The following FCRL2 variants were observed in gnomAD, a reference collection of about 807,000 sequenced individuals.
FCRL2 encodes Fc receptor like 2, also known as Fc receptor-like protein 2.
In FCRL2, 48 loss-of-function variants were observed where a neutral mutation model predicts 59.8. The observed-to-expected ratio is 0.80, with a 90% CI of 0.64 to 1.02. The LOEUF is 1.02. Among genes scored for constraint, FCRL2 ranks in the 50% least tolerant of loss-of-function variants. FCRL2 has a pLI of 0.00. For synonymous variants in FCRL2, 251 were observed against 229.5 expected, an observed-to-expected ratio of 1.09 and a Z score of -0.85; for missense variants, 658 against 597.3, an observed-to-expected ratio of 1.10 and a Z score of -1.06.
At chr1:157,770,735 G>T in intron 2 of FCRL2, 69 bp from the exon 3 acceptor site, 1 of 1,558,046 alleles carries the variant, frequency 6.4e-7, no homozygotes, top group Non-Finnish European at 8.8e-7. Flanking sequence ...CATTGGCAGT[G>T]AGGTGGTCTC....
intron 7 of FCRL2, among the ~76,000 whole-genome samples, chr1:157,758,131 G>A (rs763010055): frequency 9.2e-5 from 14 of 152,150 alleles, no homozygotes; most frequent in African/African-American, 1.7e-4. Flanking sequence ...GTATCATGGC[G>A]TACATCTGAG....
chr1:157,767,342 C>G lies in FCRL2; in HGVS notation c.1051G>C (p.Gly351Arg). Residue 351 changes from glycine to arginine, a missense_variant, in exon 6 of 12, where the codon GGG becomes CGG. Coordinates refer to ENST00000361516, the MANE Select transcript of FCRL2 (RefSeq NM_030764.4). ...GTCAAAGAGAGGTTGAAGGAGGCCCCTCCTCCAGAGGGGGCCGAGCTGTTC... is the reference window on the plus strand; with the variant it reads ...GTCAAAGAGAGGTTGAAGGAGGCCCGTCCTCCAGAGGGGGCCGAGCTGTTC... Reference protein sequence around the residue: ...LGNSSAPSGGGASFNLSLTAE... With the variant: ...LGNSSAPSGGRASFNLSLTAE... The G allele has an allele frequency of 6.2e-7, 1 of 1,614,234 alleles. No individual in the cohort carries two copies. The highest frequency in any genetic ancestry group is 8.5e-7 in the Non-Finnish European group (1 of 1,180,038).
intron 7 of FCRL2, among the ~76,000 whole-genome samples, chr1:157,750,123 A>G (rs12080936): frequency 0.018 from 2,699 of 152,330 alleles, 70 homozygotes; most frequent in African/African-American, 0.061. Flanking sequence ...GTCTTTAGGA[A>G]TGATCTTGGG....
intron 1 of FCRL2, 97 bp from the exon 2 acceptor site, chr1:157,775,892 C>A (rs1016518560): frequency 1.5e-6 from 2 of 1,339,904 alleles, no homozygotes; most frequent in Non-Finnish European, 2.1e-6. Context: ...AAACTTCTTT[C>A]CATTTTCCCT....
chr1:157,749,942 T>C (rs534797330), intron 7 of FCRL2, among the ~76,000 whole-genome samples: 12 of 152,362 alleles, frequency 7.9e-5, no homozygotes, highest in African/African-American at 2.9e-4. Flanking sequence ...TTATTTTCTA[T>C]TCTGTTCTAT....
At chr1:157,771,672 CGT>C (rs991923996) in intron 2 of FCRL2, among the ~76,000 whole-genome samples, 13 of 152,070 alleles carry the variant, frequency 8.5e-5, no homozygotes, top group African/African-American at 2.9e-4. Context: ...ATTTTGACCC[CGT>C]CACTTCATTT....
intron 4 of FCRL2, 40 bp from the exon 5 acceptor site, chr1:157,768,741 A>T (rs748495097): frequency 1.8e-5 from 28 of 1,539,966 alleles, no homozygotes; most frequent in Non-Finnish European, 2.4e-5. Flanking sequence ...CTCTAAGGGA[A>T]ACTCTGGGAA....
chr1:157,774,528 G>A, intron 2 of FCRL2: 1 of 452,672 alleles, frequency 2.2e-6, no homozygotes. Flanking sequence ...TAAAGGAAAA[G>A]AAAGAGAATG....
chr1:157,763,145 A>G (rs1649229358), intron 7 of FCRL2, among the ~76,000 whole-genome samples: 1 of 152,226 alleles, frequency 6.6e-6, no homozygotes, highest in African/African-American at 2.4e-5. Context: ...ACACAAAACA[A>G]CTAGACAACA....
At chr1:157,750,046 T>G (rs1648060468) in intron 7 of FCRL2, among the ~76,000 whole-genome samples, 1 of 152,260 alleles carries the variant, frequency 6.6e-6, no homozygotes, top group Non-Finnish European at 1.5e-5. Flanking sequence ...TTTATTTTAT[T>G]GCTCTTCTGT....
rs755697684 is a variant in FCRL2, at chr1:157,767,575, C to G, written c.884-66G>C. On this transcript the variant is annotated intron_variant, in intron 5 of 11. Coordinates refer to ENST00000361516, the MANE Select transcript of FCRL2 (RefSeq NM_030764.4). Reference sequence around the variant, plus strand: ...CCTCAATAGATTCACAAACTCCCAACCTGCAGGCTCAGCAAAGGGCCTGGC... The same window carrying G: ...CCTCAATAGATTCACAAACTCCCAAGCTGCAGGCTCAGCAAAGGGCCTGGC... 27 of 1,614,136 alleles carry G rather than the reference C, an allele frequency of 1.7e-5. No individual in the cohort carries two copies. The South Asian group carries it at 2.4e-4, about 14-fold the overall frequency.
intron 3 of FCRL2, 120 bp downstream of exon 3, chr1:157,770,289 C>T: frequency 6.9e-7 from 1 of 1,453,994 alleles, no homozygotes; most frequent in Non-Finnish European, 9.4e-7. Context: ...CTTTGATGAT[C>T]AAACCACAAG....
At chr1:157,757,606 G>A (rs1176079121) in intron 7 of FCRL2, among the ~76,000 whole-genome samples, 1 of 152,232 alleles carries the variant, frequency 6.6e-6, no homozygotes, top group Non-Finnish European at 1.5e-5. Flanking sequence ...AGAGGCCTCA[G>A]AATGAAATTT....
chr1:157,767,021 C>A, intron 6 of FCRL2, 50 bp from the exon 7 acceptor site: 1 of 1,514,360 alleles, frequency 6.6e-7, no homozygotes, highest in Non-Finnish European at 9.1e-7. Flanking sequence ...GACTTGGGCC[C>A]TTCTTATAAA....
At chr1:157,760,727 G>A (rs908556644) in intron 7 of FCRL2, among the ~76,000 whole-genome samples, 1 of 144,048 alleles carries the variant, frequency 6.9e-6, no homozygotes, top group African/African-American at 2.6e-5. Context: ...AAGAAAGAAA[G>A]AAAGAAAGAA....
At position 157,746,374 on chromosome 1, in the gene FCRL2, A is replaced by G. The variant is rs2101654888; in HGVS notation, c.*362T>C. 1 of 216,550 alleles carries G rather than the reference A, an allele frequency of 4.6e-6. No homozygotes were observed. Among genetic ancestry groups the G allele is most frequent in the Non-Finnish European group, 9.1e-6 (1 of 109,648 alleles). 13.4% of individuals were successfully genotyped at this position (216,550 alleles called of 1,614,324 possible). A position where few individuals can be genotyped will look rare whatever the true frequency, so the allele number is the denominator to read the frequency against. ...TAGCAAACTGTATCCAGCAGCACAT[A>G]AATAAGTTAATACACCACTATCAAG... On this transcript the variant is annotated 3_prime_UTR_variant, in exon 12 of 12. Transcript: ENST00000361516.
chr1:157,760,679 GA>G lies in FCRL2; in HGVS notation c.1279+6175del, dbSNP rs1229037254. Among the ~76,000 whole-genome samples, 377 of 110,902 alleles carry G rather than the reference GA, an allele frequency of 3.4e-3. 1 individual carries two copies. The highest frequency in any genetic ancestry group is 0.016 in the African/African-American group (359 of 22,302). 72.8% of individuals were successfully genotyped at this position (110,902 alleles called of 152,430 possible). On this transcript the variant is annotated intron_variant, in intron 7 of 11. Coordinates refer to ENST00000361516, the MANE Select transcript of FCRL2 (RefSeq NM_030764.4). ...AGAAGGAAGGAAGGAAGGAAGGAAG[GA>G]AAGAAAGAAAGAAAGAAGGAAAGAA...
At chr1:157,774,275 A>G (rs962472526) in intron 2 of FCRL2, among the ~76,000 whole-genome samples, 4 of 152,116 alleles carry the variant, frequency 2.6e-5, no homozygotes, top group African/African-American at 9.7e-5. Flanking sequence ...CTTGCAGGGG[A>G]TTGTAATTCT....
rs567715061 is a variant in FCRL2, at chr1:157,749,511, G to C, written c.1307+139C>G. 81 of 595,356 alleles carry C rather than the reference G, an allele frequency of 1.4e-4. No homozygotes were observed. In the South Asian group the frequency reaches 2.4e-3, roughly 18 times the overall value. The allele number at this position is 595,356 out of a possible 1,614,324, so 36.9% of individuals were successfully genotyped here. On this transcript the variant is annotated intron_variant, in intron 8 of 11. Coordinates refer to ENST00000361516, the MANE Select transcript of FCRL2 (RefSeq NM_030764.4). Reference sequence around the variant, plus strand: ...GGTGGCAGAAATGTAATGCAGTAGAGACAAGAGTAAGTATTATAGAAAGAT... The same window carrying C: ...GGTGGCAGAAATGTAATGCAGTAGACACAAGAGTAAGTATTATAGAAAGAT...
Sources: gnomAD v4.1 joint callset for allele counts (sites outside exome capture counted in the v4.1 genomes callset) on GRCh38, gnomAD v4.1.1 for gene constraint, MANE v1.5 for transcripts, NCBI Gene and HGNC (gene_info 2026-07-23, HGNC 2026-07-21) for gene names.